DPP10: variants seen among roughly 807,000 people sequenced by gnomAD.
The protein encoded by DPP10 is inactive dipeptidyl peptidase 10.
A neutral mutation model predicts 120.9 loss-of-function variants in DPP10; 33 were observed. The ratio of observed to expected loss-of-function variants is 0.27; its 90% CI spans 0.21 to 0.37. The LOEUF is 0.37. Ranked by LOEUF, DPP10 falls within the 10% of genes least tolerant of loss-of-function variation. DPP10 has a pLI of 1.00. For missense variants in DPP10, 816 were observed against 942.8 expected (o/e 0.87, Z 1.76); for synonymous variants, 337 against 326.1 (o/e 1.03, Z -0.36).
chr2:115,479,531 T>G (rs1010130416), intron 3 of DPP10, among the ~76,000 whole-genome samples: 16 of 152,136 alleles, frequency 1.1e-4, no homozygotes, highest in African/African-American at 3.9e-4. Flanking sequence ...ACTGCTCAGT[T>G]GAAAACTTAA....
chr2:115,463,894 TC>T (rs1471918454), intron 3 of DPP10, among the ~76,000 whole-genome samples: 1 of 152,120 alleles, frequency 6.6e-6, no homozygotes, highest in Non-Finnish European at 1.5e-5. Flanking sequence ...TCTTTTTTTC[TC>T]CTATATTCCT....
Position 115,435,585 on chromosome 2 carries a change from A to G in DPP10, c.272-63925A>G, listed in dbSNP as rs187735538. Among the ~76,000 whole-genome samples the G allele has an allele frequency of 9.6e-4, 146 of 151,902 alleles. No homozygotes were observed. In the Middle Eastern group the frequency reaches 0.014, roughly 14 times the overall value. On this transcript the variant is annotated intron_variant, in intron 3 of 25. Transcript: ENST00000410059. Reference sequence around the variant, plus strand: ...CTATTGAGTTGTTTGAGTTCCTTATATATTCTGATTATTAATGCCTTATTG... The same window carrying G: ...CTATTGAGTTGTTTGAGTTCCTTATGTATTCTGATTATTAATGCCTTATTG...
intron 3 of DPP10, among the ~76,000 whole-genome samples, chr2:115,496,703 T>C (rs1228092711): frequency 2.0e-5 from 3 of 152,116 alleles, no homozygotes; most frequent in Non-Finnish European, 4.4e-5. Flanking sequence ...AAATTCTGCA[T>C]TGTGCTTGTG....
intron 1 of DPP10, among the ~76,000 whole-genome samples, chr2:115,148,072 T>C (rs1449320094): frequency 6.6e-6 from 1 of 152,172 alleles, no homozygotes; most frequent in Non-Finnish European, 1.5e-5. Context: ...GACTGAGTAC[T>C]ACAGTCTTTT....
At chr2:115,635,242 A>G (rs2086230266) in intron 5 of DPP10, among the ~76,000 whole-genome samples, 1 of 152,118 alleles carries the variant, frequency 6.6e-6, no homozygotes, top group Non-Finnish European at 1.5e-5. Flanking sequence ...TCCCTCTGGG[A>G]ACTCGGTAGT....
At position 115,592,580 on chromosome 2, in the gene DPP10, CA is replaced by C. The variant is rs1441319038; in HGVS notation, c.441+66616del. Among the ~76,000 whole-genome samples the C allele has an allele frequency of 1.1e-3, 6 of 5,434 alleles. No homozygotes were observed. The East Asian group carries it at 0.021, about 19-fold the overall frequency. The allele number at this position is 5,434 out of a possible 152,430, so 3.6% of individuals were successfully genotyped here. On this transcript the variant is annotated intron_variant, in intron 5 of 25. Coordinates refer to ENST00000410059, the MANE Select transcript of DPP10 (RefSeq NM_020868.6). ...AAACCCCGTCTCTGCTAAAAAAAAA[CA>C]AAAAAAACAAAAAAAAAAACAAAAA...
intron 1 of DPP10, among the ~76,000 whole-genome samples, chr2:115,281,505 A>G (rs1346939662): frequency 6.6e-6 from 1 of 152,166 alleles, no homozygotes; most frequent in Non-Finnish European, 1.5e-5. Flanking sequence ...AGGACCCAGT[A>G]ATGGCTATAT....
chr2:115,843,091 T>C lies in DPP10; in HGVS notation c.*746T>C, dbSNP rs1351749932. ...ACGTTTGATGAATTAGAAGAGATGC[T>C]CTTTTCCAAGCTATAATGGATGCTT... On this transcript the variant is annotated 3_prime_UTR_variant, in exon 26 of 26. Coordinates refer to ENST00000410059, the MANE Select transcript of DPP10 (RefSeq NM_020868.6). 6.6e-6 allele frequency: 1 copy of C among 152,626 alleles called. No homozygotes were observed. The highest frequency in any genetic ancestry group is 6.5e-5 in the Admixed American group (1 of 15,274). The allele number at this position is 152,626 out of a possible 1,614,324, so 9.5% of individuals were successfully genotyped here. A position where few individuals can be genotyped will look rare whatever the true frequency, so the allele number is the denominator to read the frequency against.
chr2:115,467,516 G>A (rs1464036339), intron 3 of DPP10, among the ~76,000 whole-genome samples: 1 of 151,854 alleles, frequency 6.6e-6, no homozygotes, highest in Non-Finnish European at 1.5e-5. Flanking sequence ...GGCAGAGGTT[G>A]CAGTGAGCCG....
At chr2:115,166,539 T>C (rs1459053677) in intron 1 of DPP10, among the ~76,000 whole-genome samples, 3 of 146,552 alleles carry the variant, frequency 2.0e-5, no homozygotes, top group African/African-American at 7.4e-5. Flanking sequence ...ATATATAAAT[T>C]TATAATATAA....
chr2:114,938,861 T>G (rs1167265744), intron 1 of DPP10, among the ~76,000 whole-genome samples: 3 of 152,016 alleles, frequency 2.0e-5, no homozygotes, highest in Non-Finnish European at 2.9e-5. Context: ...TTTTAAATCT[T>G]TTGTTATTTT....
chr2:114,462,278 A>G (rs939855390), intron 1 of DPP10: 2 of 403,962 alleles, frequency 5.0e-6, no homozygotes, highest in Non-Finnish European at 6.7e-6. Flanking sequence ...ATTTGTCACA[A>G]TGAGGAATAA....
At chr2:115,521,605 A>ATTTTTTTTTTTT (rs79361161) in intron 4 of DPP10, among the ~76,000 whole-genome samples, 1 of 143,556 alleles carries the variant, frequency 7.0e-6, no homozygotes, top group Non-Finnish European at 1.5e-5. Context: ...TCTAATCCTT[A>ATTTTTTTTTTTT]TTTTTTTTTT....
chr2:114,636,907 G>A (rs1290923694), intron 1 of DPP10, among the ~76,000 whole-genome samples: 1 of 151,866 alleles, frequency 6.6e-6, no homozygotes, highest in Admixed American at 6.5e-5. Flanking sequence ...AATATGTAAA[G>A]AGGCTCAAAT....
intron 1 of DPP10, among the ~76,000 whole-genome samples, chr2:114,808,939 C>G (rs747225357): frequency 6.6e-6 from 1 of 152,000 alleles, no homozygotes; most frequent in Non-Finnish European, 1.5e-5. Flanking sequence ...TTTTTATATG[C>G]TTGTTTATTT....
chr2:115,635,657 G>T (rs565857457), intron 5 of DPP10, among the ~76,000 whole-genome samples: 18 of 152,296 alleles, frequency 1.2e-4, no homozygotes, highest in Non-Finnish European at 2.1e-4. Flanking sequence ...GATAAGAAAG[G>T]TTATTTGGAG....
At chr2:115,432,365 G>A (rs899209274) in intron 3 of DPP10, among the ~76,000 whole-genome samples, 55 of 152,098 alleles carry the variant, frequency 3.6e-4, no homozygotes, top group African/African-American at 1.2e-3. Context: ...TCAAATGTGG[G>A]AGATATTCAT....
At chr2:115,240,405 T>A (rs576795776) in intron 1 of DPP10, among the ~76,000 whole-genome samples, 13 of 152,248 alleles carry the variant, frequency 8.5e-5, no homozygotes, top group Admixed American at 2.0e-4. Context: ...TGTCTTCTTT[T>A]GAGAAGTATC....
chr2:114,827,669 A>T (rs1686686688), intron 1 of DPP10, among the ~76,000 whole-genome samples: 1 of 152,036 alleles, frequency 6.6e-6, no homozygotes, highest in East Asian at 1.9e-4. Context: ...ACAAGTGTTT[A>T]ATCCATTAGT....
Sources: allele counts gnomAD v4.1 joint callset (sites outside exome capture counted in the v4.1 genomes callset), GRCh38; gene constraint gnomAD v4.1.1; transcripts MANE v1.5; gene names NCBI Gene and HGNC (gene_info 2026-07-23, HGNC 2026-07-21).